MYO9B: variants seen among roughly 807,000 people sequenced by gnomAD.
MYO9B encodes unconventional myosin-IXb.
MYO9B carries 71 observed loss-of-function variants against 229.5 expected under a neutral mutation model. The observed-to-expected ratio is 0.31, with a 90% CI of 0.26 to 0.38. MYO9B has a LOEUF of 0.38. Among genes scored for constraint, MYO9B ranks in the 10% least tolerant of loss-of-function variants. MYO9B has a pLI of 1.00. For missense variants in MYO9B, 2,255 were observed against 2,920.5 expected (o/e 0.77, Z 5.25); for synonymous variants, 1,185 against 1,235.8 (o/e 0.96, Z 0.86).
rs112900956 is a variant in MYO9B at position 17,195,265 on chromosome 19, G to A, written c.3838G>A (p.Gly1280Ser). Residue 1280 changes from glycine to serine, a missense_variant, in exon 22 of 40, where the codon GGC (glycine) becomes AGC (serine). This residue lies in a region of MYO9B where 679 missense variants were observed against 770.2 expected (regional missense o/e 0.88). Transcript: ENST00000682292. This position sits in a 1 kb window ranked among gnomAD's most constrained non-coding sequence, Gnocchi z 4.5. The part of the protein sequence containing the change: ...ETPEDKSKPC[G>S]SPRVQEKPDS... ...CCCCGAGGACAAGAGCAAACCATGT[G>A]GCAGCCCAAGGGTTCAGGAAAAGCC... 0.014 allele frequency: 23,070 copies of A among 1,612,454 alleles called. 218 individuals are homozygous for A. The highest frequency in any genetic ancestry group is 0.018 in the Non-Finnish European group (20,779 of 1,179,710).
intron 1 of MYO9B, among the ~76,000 whole-genome samples, chr19:17,083,753 C>G (rs888360374): frequency 6.6e-6 from 1 of 151,436 alleles, no homozygotes; most frequent in Admixed American, 6.6e-5. Flanking sequence ...TTCAAGTTAC[C>G]GATTCTCCTG....
At position 17,194,674 on chromosome 19, in the gene MYO9B, G is replaced by T; in HGVS notation, c.3247G>T (p.Val1083Leu). 1 of 1,612,874 alleles carries T rather than the reference G, an allele frequency of 6.2e-7. No individual in the cohort carries two copies. ...GGGTCAGGCGGCTGGAGGGCAGCAG[G>T]TAGCTGAGCAGGGGCCGGAGCCAGC... Reference protein sequence around the residue: ...GQGQAAGGQQVAEQGPEPAED... With the variant: ...GQGQAAGGQQLAEQGPEPAED... The change falls in exon 22 of 40, where the codon GTA (valine) becomes TTA (leucine). Residue 1083 changes from valine to leucine, a missense_variant. Val to Leu is a conservative substitution (Grantham distance 32, BLOSUM62 1). Coordinates refer to ENST00000682292, the MANE Select transcript of MYO9B (RefSeq NM_004145.4).
intron 3 of MYO9B, among the ~76,000 whole-genome samples, chr19:17,146,186 G>T (rs1012441157): frequency 1.3e-5 from 2 of 151,522 alleles, no homozygotes; most frequent in Non-Finnish European, 2.9e-5. Flanking sequence ...TGGATGGATG[G>T]ATGGATGGAT....
rs4570995 is a variant in MYO9B at position 17,173,133 on chromosome 19, C to T, written c.2140+170C>T. Among the ~76,000 whole-genome samples, 9,551 of 151,998 alleles carry T rather than the reference C, an allele frequency of 0.063. 391 individuals are homozygous for T. Among genetic ancestry groups the T allele is most frequent in the Non-Finnish European group, 0.094 (6,391 of 67,990 alleles). On this transcript the variant is annotated intron_variant, in intron 13 of 39. Transcript: ENST00000682292. Reference sequence around the variant, plus strand: ...TCACCCTGAACAGAAACTCGACCTGCGTGTGTAATTTAACCTCAGGGCATG... The same window carrying T: ...TCACCCTGAACAGAAACTCGACCTGTGTGTGTAATTTAACCTCAGGGCATG...
chr19:17,190,286 C>T (rs993542618), intron 19 of MYO9B, among the ~76,000 whole-genome samples: 6 of 150,790 alleles, frequency 4.0e-5, no homozygotes, highest in East Asian at 4.0e-4. Flanking sequence ...CTCCATCTCC[C>T]GGGTTCAAGT....
At chr19:17,143,369 T>TA (rs1201423634) in intron 2 of MYO9B, among the ~76,000 whole-genome samples, 1 of 152,176 alleles carries the variant, frequency 6.6e-6, no homozygotes, top group Non-Finnish European at 1.5e-5. Flanking sequence ...AAGTGACTTA[T>TA]AGCCTACTGT....
Position 17,188,012 on chromosome 19 carries a change from G to T in MYO9B, c.2655G>T (p.Arg885=). 6.2e-7 allele frequency: 1 copy of T among 1,600,798 alleles called. No homozygotes were observed. ...GCATGCTGGAGACCGTGCGCATCCG[G>T]AGGTCAGGGTACAGCGCCAAGTACA... The part of the protein sequence containing the change: ...YTGMLETVRI[R]RSGYSAKYTF... The change falls in exon 19 of 40, where the codon CGG becomes CGT. Residue 885 remains arginine, a synonymous_variant. Coordinates refer to ENST00000682292, the MANE Select transcript of MYO9B (RefSeq NM_004145.4).
At chr19:17,144,943 C>T (rs1244733096) in intron 2 of MYO9B, among the ~76,000 whole-genome samples, 1 of 129,130 alleles carries the variant, frequency 7.7e-6, no homozygotes, top group African/African-American at 2.9e-5. Flanking sequence ...GCACTCCAGC[C>T]AAGGCAACAG....
At chr19:17,208,635 G>A (rs1297882026) in intron 35 of MYO9B, among the ~76,000 whole-genome samples, 1 of 152,058 alleles carries the variant, frequency 6.6e-6, no homozygotes, top group African/African-American at 2.4e-5. Flanking sequence ...GTTTCACTAT[G>A]TTAGCCAGGA....
intron 2 of MYO9B, among the ~76,000 whole-genome samples, chr19:17,122,720 A>G (rs2057977019): frequency 6.6e-6 from 1 of 152,236 alleles, no homozygotes; most frequent in African/African-American, 2.4e-5. Flanking sequence ...GGCAGGTATC[A>G]GTTAGCAGGC....
At chr19:17,129,544 G>C (rs889849734) in intron 2 of MYO9B, among the ~76,000 whole-genome samples, 1 of 152,244 alleles carries the variant, frequency 6.6e-6, no homozygotes, top group Admixed American at 6.5e-5. Context: ...TGTCAGGGCA[G>C]GTGGGCAGGG....
At chr19:17,086,749 A>G (rs2057586859) in intron 1 of MYO9B, among the ~76,000 whole-genome samples, 1 of 152,106 alleles carries the variant, frequency 6.6e-6, no homozygotes, top group South Asian at 2.1e-4. Flanking sequence ...GTGTGGTGGC[A>G]CACGCCTGTT....
intron 1 of MYO9B, among the ~76,000 whole-genome samples, chr19:17,096,300 C>G (rs1364426168): frequency 6.6e-6 from 1 of 152,134 alleles, no homozygotes; most frequent in Non-Finnish European, 1.5e-5. Context: ...TGAGTAACTC[C>G]TGAGAGGGGA....
intron 2 of MYO9B, among the ~76,000 whole-genome samples, chr19:17,119,676 G>C (rs1178545920): frequency 6.6e-6 from 1 of 152,134 alleles, no homozygotes; most frequent in Non-Finnish European, 1.5e-5. Flanking sequence ...TTTTGACACA[G>C]AGTCTCGTTC....
chr19:17,109,075 T>G (rs2057822115), intron 2 of MYO9B, among the ~76,000 whole-genome samples: 1 of 140,542 alleles, frequency 7.1e-6, no homozygotes, highest in Non-Finnish European at 1.6e-5. Flanking sequence ...TTTATTTATT[T>G]ATTTATTTTG....
intron 3 of MYO9B, among the ~76,000 whole-genome samples, chr19:17,147,197 G>A (rs768311841): frequency 1.3e-5 from 2 of 152,198 alleles, no homozygotes; most frequent in Non-Finnish European, 2.9e-5. Flanking sequence ...TCCAGGCCCT[G>A]ACCTCTCCAT....
intron 1 of MYO9B, among the ~76,000 whole-genome samples, chr19:17,080,441 C>T (rs1162180042): frequency 6.6e-6 from 1 of 152,190 alleles, no homozygotes; most frequent in Non-Finnish European, 1.5e-5. Flanking sequence ...ACATAGCCGT[C>T]TTCCCCTGGG....
chr19:17,091,213 C>T (rs544421220), intron 1 of MYO9B, among the ~76,000 whole-genome samples: 20 of 151,566 alleles, frequency 1.3e-4, no homozygotes, highest in Admixed American at 1.3e-3. Context: ...TGTTTGGAAG[C>T]AGTTTTGTTT....
chr19:17,166,335 G>T (rs921723953), intron 10 of MYO9B, among the ~76,000 whole-genome samples: 1 of 152,140 alleles, frequency 6.6e-6, no homozygotes, highest in South Asian at 2.1e-4. Flanking sequence ...GAGCCACCAC[G>T]CCCAGCCCTT....
Sources: gnomAD v4.1 joint callset for allele counts (sites outside exome capture counted in the v4.1 genomes callset) on GRCh38, gnomAD v4.1.1 for gene constraint, gnomAD v4.1.1 regional missense constraint, Gnocchi (gnomAD v3.1) non-coding constraint, MANE v1.5 for transcripts, NCBI Gene and HGNC (gene_info 2026-07-23, HGNC 2026-07-21) for gene names.